The following MID1 variants were observed in gnomAD, a reference collection of about 807,000 sequenced individuals.
The protein encoded by MID1 is midline 1.
Under a neutral mutation model 40.4 loss-of-function variants are expected in MID1, and 7 were observed. That is an observed-to-expected ratio of 0.17 (90% CI 0.10 to 0.33). MID1 has a LOEUF of 0.33. MID1 is among the 10% of genes least tolerant of loss of function. The probability of loss-of-function intolerance (pLI) is 1.00; values close to 1 mark genes in which losing one functional copy is unlikely to be tolerated. For synonymous variants in MID1, 229 were observed against 221.2 expected (o/e 1.04, Z -0.31); for missense variants, 367 against 558.5 (o/e 0.66, Z 3.46).
chrX:10,583,904 G>A (rs1458057013), intron 1 of MID1, among the ~76,000 whole-genome samples: 7 of 110,577 alleles, frequency 6.3e-5, no homozygotes, highest in East Asian at 2.8e-4. Flanking sequence ...GGTGGCAGAC[G>A]CCTGTAATCC....
At chrX:10,535,091 G>T (rs1933191701) in intron 2 of MID1, among the ~76,000 whole-genome samples, 1 of 112,163 alleles carries the variant, frequency 8.9e-6, no homozygotes. Context: ...ATCATGGAAG[G>T]AAAGAAGATG....
At chrX:10,745,927 G>A (rs2043554153) in intron 1 of MID1, among the ~76,000 whole-genome samples, 1 of 112,543 alleles carries the variant, frequency 8.9e-6, no homozygotes, top group South Asian at 3.7e-4. Flanking sequence ...ACTGGGTTGT[G>A]TTACAACCAC....
chrX:10,595,332 AAT>A (rs1259714986), intron 1 of MID1, among the ~76,000 whole-genome samples: 1 of 111,670 alleles, frequency 9.0e-6, no homozygotes, highest in Admixed American at 9.5e-5. Context: ...GGATAAAGAA[AAT>A]ATATTTCTTT....
At chrX:10,684,325 CGCTTGCTT>C (rs3081830) in intron 1 of MID1, among the ~76,000 whole-genome samples, 4 of 109,549 alleles carry the variant, frequency 3.7e-5, no homozygotes, top group East Asian at 2.9e-4. Context: ...TAAATTGTGC[CGCTTGCTT>C]GCTTGCTTGC....
chrX:10,596,572 T>C (rs1337697583), intron 1 of MID1, among the ~76,000 whole-genome samples: 1 of 112,142 alleles, frequency 8.9e-6, no homozygotes, highest in Non-Finnish European at 1.9e-5. Context: ...CCCTGACCTG[T>C]ATATAATTCC....
intron 2 of MID1, among the ~76,000 whole-genome samples, chrX:10,548,656 G>A (rs781430270): frequency 9.0e-6 from 1 of 111,617 alleles, no homozygotes; most frequent in South Asian, 3.8e-4. Flanking sequence ...AACATTTCAG[G>A]AACCCTATTT....
chrX:10,782,536 G>C (rs189575202), intron 1 of MID1, among the ~76,000 whole-genome samples: 42 of 111,894 alleles, frequency 3.8e-4, no homozygotes, highest in Admixed American at 1.0e-3. Context: ...CCATGGGCCA[G>C]TGTGGTCAGT....
Position 10,510,551 on chromosome X carries a change from G to C in MID1, c.756+12541C>G, listed in dbSNP as rs1448347956. ...AACTTAAAAAATATGCTGAAACCCA[G>C]GCCGGGCGTGGTGGCTCACGCCTGT... is the stretch of plus-strand genomic sequence containing the variant. On this transcript the variant is annotated intron_variant, in intron 3 of 9. Transcript: ENST00000317552. 6.5e-5 allele frequency among the ~76,000 whole-genome samples: 7 copies of C among 107,096 alleles called. No individual in the cohort carries two copies. In the Admixed American group the frequency reaches 6.7e-4, roughly 10 times the overall value. The allele number at this position is 107,096 out of a possible 115,157, so 93.0% of individuals were successfully genotyped here.
At chrX:10,490,245 C>A (rs922600215) in intron 4 of MID1, among the ~76,000 whole-genome samples, 1 of 111,835 alleles carries the variant, frequency 8.9e-6, no homozygotes, top group Non-Finnish European at 1.9e-5. Context: ...CAAGGTCTTT[C>A]AAGTCTCACC....
At chrX:10,704,072 A>G in intron 1 of MID1, among the ~76,000 whole-genome samples, 1 of 112,229 alleles carries the variant, frequency 8.9e-6, no homozygotes, top group Non-Finnish European at 1.9e-5. Context: ...TACCAAAACC[A>G]TATGATGTTA....
intron 3 of MID1, among the ~76,000 whole-genome samples, chrX:10,516,415 C>T (rs1367478484): frequency 1.8e-5 from 2 of 109,392 alleles, no homozygotes; most frequent in Non-Finnish European, 3.8e-5. Flanking sequence ...AGGATGGTCT[C>T]GATCTCCTGA....
At chrX:10,585,800 T>C (rs2147499547) in intron 1 of MID1, among the ~76,000 whole-genome samples, 1 of 111,762 alleles carries the variant, frequency 8.9e-6, no homozygotes, top group East Asian at 2.8e-4. Flanking sequence ...ACAGTCTTAA[T>C]TTATGATAAA....
chrX:10,555,778 TATTTTCCGG>T lies in MID1; in HGVS notation c.660+11101_660+11109del, dbSNP rs1174157104. On this transcript the variant is annotated intron_variant, in intron 2 of 9. Transcript: ENST00000317552. ...CCAATGTAAATAAAAATAAAAACCATATTTTCCGGATTTTCCCCCTCAATAAATAGCAAA... is the reference window on the plus strand; with the variant it reads ...CCAATGTAAATAAAAATAAAAACCATATTTTCCCCCTCAATAAATAGCAAA... 7.2e-5 allele frequency among the ~76,000 whole-genome samples: 8 copies of T among 110,896 alleles called. No homozygotes were observed. The Admixed American group carries it at 7.7e-4, about 11-fold the overall frequency.
At chrX:10,550,318 G>A (rs1171787656) in intron 2 of MID1, among the ~76,000 whole-genome samples, 3 of 112,179 alleles carry the variant, frequency 2.7e-5, no homozygotes, top group African/African-American at 9.7e-5. Flanking sequence ...GGGGATAGCA[G>A]ATAATATCAA....
At position 10,543,869 on chromosome X, in the gene MID1, G is replaced by C. The variant is rs1363901393; in HGVS notation, c.661-20682C>G. On this transcript the variant is annotated intron_variant, in intron 2 of 9. Transcript: ENST00000317552. ...TTAAAAAAAAAAATTAGCCAGGTGT[G>C]TTGGCATGCACCTGTAATCCCAGCT... 1.4e-4 allele frequency among the ~76,000 whole-genome samples: 15 copies of C among 109,211 alleles called. No homozygotes were observed. In the Admixed American group the frequency reaches 1.5e-3, roughly 11 times the overall value. 94.8% of individuals were successfully genotyped at this position (109,211 alleles called of 115,157 possible). A position where few individuals can be genotyped will look rare whatever the true frequency, so the allele number is the denominator to read the frequency against.
intron 1 of MID1, among the ~76,000 whole-genome samples, chrX:10,637,442 T>C (rs150800438): frequency 0.016 from 1,691 of 109,068 alleles, 34 homozygotes; most frequent in African/African-American, 0.052. Flanking sequence ...CTGACCAACA[T>C]GGTGAAACTC....
chrX:10,477,778 A>G (rs73492962), intron 5 of MID1, among the ~76,000 whole-genome samples: 1,134 of 112,208 alleles, frequency 0.01, 12 homozygotes, highest in African/African-American at 0.035. Flanking sequence ...TGCATCACCA[A>G]AGTAAAACCC....
At chrX:10,558,847 C>T (rs927783942) in intron 2 of MID1, among the ~76,000 whole-genome samples, 5 of 112,626 alleles carry the variant, frequency 4.4e-5, no homozygotes, top group African/African-American at 1.6e-4. Context: ...TTTACACAGC[C>T]ACATGATGAA....
chrX:10,640,245 A>T (rs1936174181), intron 1 of MID1, among the ~76,000 whole-genome samples: 1 of 111,953 alleles, frequency 8.9e-6, no homozygotes, highest in Non-Finnish European at 1.9e-5. Flanking sequence ...GTCAAGACCC[A>T]TCAGTGTGCT....
Sources: gnomAD v4.1 joint callset for allele counts (sites outside exome capture counted in the v4.1 genomes callset) on GRCh38, gnomAD v4.1.1 for gene constraint, MANE v1.5 for transcripts, NCBI Gene and HGNC (gene_info 2026-07-23, HGNC 2026-07-21) for gene names.